ADGRL1: variants seen among roughly 807,000 people sequenced by gnomAD.
ADGRL1 encodes the protein adhesion G protein-coupled receptor L1.
Under a neutral mutation model 148.9 loss-of-function variants are expected in ADGRL1, and 31 were observed. The observed-to-expected ratio is 0.21, with a 90% CI of 0.16 to 0.28. The LOEUF (loss-of-function observed/expected upper bound fraction) is 0.28, where lower values mean the gene tolerates loss of function less well. ADGRL1 is among the 10% of genes least tolerant of loss of function. The pLI is 1.00. For synonymous variants in ADGRL1, 937 were observed against 900.3 expected, an observed-to-expected ratio of 1.04 and a Z score of -0.73; for missense variants, 1,521 against 2,058.8, an observed-to-expected ratio of 0.74 and a Z score of 5.05.
Position 14,159,578 on chromosome 19 carries a change from C to T in ADGRL1, c.1846G>A (p.Val616Met), listed in dbSNP as rs773694101. 2.5e-6 allele frequency: 4 copies of T among 1,597,062 alleles called. No individual in the cohort carries two copies. The highest frequency in any genetic ancestry group is 3.4e-6 in the Non-Finnish European group (4 of 1,167,872). ...CGGAGCAGATTGTCCACTGTCTCCACCACGGCCTGCACAGGCAGAGGGCAT... is the reference window on the plus strand; with the variant it reads ...CGGAGCAGATTGTCCACTGTCTCCATCACGGCCTGCACAGGCAGAGGGCAT... ...RTCKDYIKAV[V>M]ETVDNLLRPE... The change falls in exon 10 of 23, where the codon GTG (valine) becomes ATG (methionine). Residue 616 changes from valine (V) to methionine (M), a missense_variant. Transcript: ENST00000361434. The surrounding 1 kb of genome is among the most constrained non-coding windows in gnomAD (Gnocchi z 6.0).
intron 1 of ADGRL1, among the ~76,000 whole-genome samples, chr19:14,198,211 TC>T (rs1422117673): frequency 1.3e-5 from 2 of 152,040 alleles, no homozygotes; most frequent in African/African-American, 2.4e-5. Context: ...CTTGTGGACC[TC>T]AGGGAGGACT....
intron 4 of ADGRL1, chr19:14,169,057 C>CT: frequency 6.6e-6 from 1 of 152,426 alleles, no homozygotes; most frequent in East Asian, 1.9e-4. Context: ...CTTTTGACCC[C>CT]TCTCCACCCC....
chr19:14,168,695 G>A (rs1187717995), intron 4 of ADGRL1: 1 of 152,162 alleles, frequency 6.6e-6, no homozygotes. Flanking sequence ...CTGGACCGAG[G>A]AATTTTTCCT....
intron 17 of ADGRL1, 23 bp downstream of exon 17, chr19:14,156,087 G>A: frequency 6.3e-7 from 1 of 1,589,744 alleles, no homozygotes; most frequent in South Asian, 1.1e-5. Context: ...ATGGGGCAGG[G>A]GGCAGGCAGG....
intron 1 of ADGRL1, among the ~76,000 whole-genome samples, chr19:14,203,615 C>T (rs1972759860): frequency 6.9e-6 from 1 of 144,596 alleles, no homozygotes; most frequent in Non-Finnish European, 1.5e-5. Context: ...CCCCAACGTG[C>T]CCACAGGGTC....
intron 1 of ADGRL1, among the ~76,000 whole-genome samples, chr19:14,204,318 G>A (rs1449299347): frequency 3.3e-5 from 5 of 152,124 alleles, no homozygotes; most frequent in African/African-American, 1.2e-4. Context: ...GCTGGGGCCT[G>A]ACAGGGACCC....
intron 4 of ADGRL1, chr19:14,168,936 G>A (rs975434891): frequency 6.6e-6 from 1 of 152,284 alleles, no homozygotes; most frequent in Non-Finnish European, 1.5e-5. Flanking sequence ...GCACACTGAA[G>A]TGAGGCCACA....
intron 4 of ADGRL1, chr19:14,168,708 C>A (rs1970214344): frequency 2.0e-5 from 3 of 152,164 alleles, no homozygotes; most frequent in African/African-American, 7.2e-5. Flanking sequence ...TTTTTCCTGC[C>A]CTTTATCTCA....
rs780125002 is a variant in ADGRL1 at position 14,177,695 on chromosome 19, C to T, written c.120G>A (p.Ala40=). ...LPFGLMRREL[A]CEGYPIELRC... ...GCAGCTCGATGGGGTAGCCTTCACA[C>T]GCCAGCTCCCGGCGCATCAGCCCGA... Residue 40 remains alanine, a synonymous_variant, in exon 3 of 23, where the codon GCG becomes GCA. Coordinates refer to ENST00000361434, the MANE Select transcript of ADGRL1 (RefSeq NM_014921.5). 31 of 1,613,870 alleles carry T rather than the reference C, an allele frequency of 1.9e-5. No individual in the cohort carries two copies. In the Middle Eastern group the frequency reaches 8.2e-4, roughly 43 times the overall value.
At chr19:14,189,920 GTATGC>G (rs1339232827) in intron 1 of ADGRL1, among the ~76,000 whole-genome samples, 1 of 152,180 alleles carries the variant, frequency 6.6e-6, no homozygotes, top group African/African-American at 2.4e-5. Context: ...CAAGAAAACA[GTATGC>G]TATAATAATT....
At position 14,159,268 on chromosome 19, in the gene ADGRL1, C is replaced by G; in HGVS notation, c.2024-53G>C. 6.3e-7 allele frequency: 1 copy of G among 1,598,824 alleles called. No individual in the cohort carries two copies. The highest frequency in any genetic ancestry group is 8.6e-7 in the Non-Finnish European group (1 of 1,169,582). On this transcript the variant is annotated intron_variant, in intron 10 of 22. Transcript: ENST00000361434. The surrounding 1 kb of genome is among the most constrained non-coding windows in gnomAD (Gnocchi z 6.0). Reference sequence around the variant, plus strand: ...ACACAGTTGGGGTCTGTTCCCAGTCCAGGGGCTCAGGCTGCAGAACGAGAC... The same window carrying G: ...ACACAGTTGGGGTCTGTTCCCAGTCGAGGGGCTCAGGCTGCAGAACGAGAC...
In ADGRL1 at chr19:14,157,401, G is replaced by A. The variant is rs377056913; in HGVS notation, c.2595C>T (p.Ile865=). 1.1e-5 allele frequency: 17 copies of A among 1,614,068 alleles called. No individual in the cohort carries two copies. The African/African-American group carries it at 2.0e-4, about 19-fold the overall frequency. ...TGCAGATGGCCAAGCAGACCAGGGAGATCACAATGCCCACCCAGGTGATGA... is the reference window on the plus strand; with the variant it reads ...TGCAGATGGCCAAGCAGACCAGGGAAATCACAATGCCCACCCAGGTGATGA... ...LSVITWVGIV[I]SLVCLAICIS... is the part of the protein sequence containing the mutation. Residue 865 remains isoleucine, a synonymous_variant, in exon 14 of 23, where the codon ATC becomes ATT. Transcript: ENST00000361434. The surrounding 1 kb of genome is among the most constrained non-coding windows in gnomAD (Gnocchi z 7.5).
At chr19:14,173,033 C>T (rs1970587159) in intron 3 of ADGRL1, among the ~76,000 whole-genome samples, 1 of 152,126 alleles carries the variant, frequency 6.6e-6, no homozygotes, top group East Asian at 1.9e-4. Context: ...AATCTTGGCT[C>T]ACTGCAGCCT....
intron 18 of ADGRL1, among the ~76,000 whole-genome samples, chr19:14,154,183 G>GT (rs1968501401): frequency 6.6e-6 from 1 of 152,080 alleles, no homozygotes; most frequent in Non-Finnish European, 1.5e-5. Context: ...GCCTTTGACC[G>GT]TGTGTCCAAG....
intron 1 of ADGRL1, chr19:14,190,971 T>G (rs558854578): frequency 1.2e-5 from 5 of 401,958 alleles, no homozygotes; most frequent in African/African-American, 1.0e-4. Flanking sequence ...ACCTGTAATC[T>G]CAGCTACTCG....
At chr19:14,174,484 C>T (rs986336268) in intron 3 of ADGRL1, among the ~76,000 whole-genome samples, 4 of 151,986 alleles carry the variant, frequency 2.6e-5, no homozygotes, top group Non-Finnish European at 5.9e-5. Context: ...GCCCAAACCT[C>T]TCCTGCTCTC....
chr19:14,167,136 C>A (rs1970050373), intron 4 of ADGRL1: 2 of 976,210 alleles, frequency 2.0e-6, no homozygotes, highest in Admixed American at 4.2e-5. Context: ...TCTTTTCTGG[C>A]AACACGCCCC....
intron 3 of ADGRL1, among the ~76,000 whole-genome samples, chr19:14,173,454 T>TA (rs1491583418): frequency 1.3e-5 from 2 of 152,058 alleles, no homozygotes; most frequent in Non-Finnish European, 2.9e-5. Context: ...GAAAACATGG[T>TA]ATATACAAGG....
intron 2 of ADGRL1, 27 bp downstream of exon 2, chr19:14,183,506 C>A: frequency 6.4e-7 from 1 of 1,551,984 alleles, no homozygotes; most frequent in African/African-American, 1.4e-5. Flanking sequence ...GGAGCCGCGG[C>A]CCCTCCCCGG....
Sources: gnomAD v4.1 joint callset for allele counts (sites outside exome capture counted in the v4.1 genomes callset) on GRCh38, gnomAD v4.1.1 for gene constraint, Gnocchi (gnomAD v3.1) non-coding constraint, MANE v1.5 for transcripts, NCBI Gene and HGNC (gene_info 2026-07-23, HGNC 2026-07-21) for gene names.